Variants in C16orf95 observed in about 807,000 individuals in gnomAD.
The protein encoded by C16orf95 is uncharacterized protein C16orf95.
A neutral mutation model predicts 32.1 loss-of-function variants in C16orf95; 41 were observed. That is an observed-to-expected ratio of 1.28 (90% CI 1.00 to 1.66). The LOEUF is 1.66. Ranked by LOEUF, C16orf95 falls within the 40% of genes most tolerant of loss-of-function variation. The pLI is 0.00. For missense variants in C16orf95, 399 were observed against 325.9 expected, an observed-to-expected ratio of 1.22 and a Z score of -1.73; for synonymous variants, 147 against 128.9, an observed-to-expected ratio of 1.14 and a Z score of -0.95.
intron 3 of C16orf95, among the ~76,000 whole-genome samples, chr16:87,314,237 T>C (rs533522423): frequency 2.0e-5 from 3 of 152,192 alleles, no homozygotes; most frequent in Admixed American, 1.3e-4. Context: ...CAGCTTTGTG[T>C]GTAACACATA....
At position 87,317,167 on chromosome 16, in the gene C16orf95, CG is replaced by C; in HGVS notation, c.75del (p.Ala26LeufsTer80). 3 of 1,531,282 alleles carry C rather than the reference CG, an allele frequency of 2.0e-6. No homozygotes were observed. Among genetic ancestry groups the C allele is most frequent in the Non-Finnish European group, 2.6e-6 (3 of 1,144,782 alleles). The allele number at this position is 1,531,282 out of a possible 1,614,324, so 94.9% of individuals were successfully genotyped here. On this transcript the variant is annotated frameshift_variant, in exon 1 of 7. Coordinates refer to ENST00000567970, the MANE Select transcript of C16orf95 (RefSeq NM_001195124.3). LOFTEE classifies it high-confidence loss of function. ...CCCGCGCCCGGCCCCCCGGCAGCAG[CG>C]CCTGAGGCTGCTCCAGTGGCCTCAT... ...HHHEATGAAS[G>X]AAAGGPGAGC... is the part of the protein sequence containing the mutation.
chr16:87,313,152 T>C (rs750618927), intron 3 of C16orf95, among the ~76,000 whole-genome samples: 4 of 151,544 alleles, frequency 2.6e-5, no homozygotes, highest in Non-Finnish European at 5.9e-5. Context: ...AGGGTACTTT[T>C]GTAGAAACTG....
intron 3 of C16orf95, among the ~76,000 whole-genome samples, chr16:87,311,593 G>A (rs996717048): frequency 6.6e-6 from 1 of 152,236 alleles, no homozygotes; most frequent in African/African-American, 2.4e-5. Context: ...GGTATTGGGA[G>A]ACCTGGCTCT....
chr16:87,312,625 C>G (rs1486611436), intron 3 of C16orf95, among the ~76,000 whole-genome samples: 1 of 151,518 alleles, frequency 6.6e-6, no homozygotes, highest in Non-Finnish European at 1.5e-5. Flanking sequence ...GAATGCCATC[C>G]CTCATAAGCA....
chr16:87,305,089 A>G lies in C16orf95; in HGVS notation c.701+630T>C, dbSNP rs1363542616. ...CAGAGGAGCCACCGCCTAGGCCGAG[A>G]GTAAAGGAGTAAGAGGAAGTAGCTG... On this transcript the variant is annotated intron_variant, in intron 6 of 6. Transcript: ENST00000567970. The surrounding 1 kb of genome is among the most constrained non-coding windows in gnomAD (Gnocchi z 4.2). Among the ~76,000 whole-genome samples the G allele has an allele frequency of 1.3e-5, 2 of 152,138 alleles. No homozygotes were observed. Among genetic ancestry groups the G allele is most frequent in the Non-Finnish European group, 2.9e-5 (2 of 68,030 alleles).
chr16:87,303,272 C>T (rs755484769), intron 6 of C16orf95, 197 bp from the exon 7 acceptor site: 7 of 581,858 alleles, frequency 1.2e-5, no homozygotes, highest in Admixed American at 2.9e-5. Context: ...GCTTTCCAGC[C>T]GCAGGACTGG....
intron 3 of C16orf95, 86 bp from the exon 4 acceptor site, chr16:87,311,382 G>C: frequency 7.3e-7 from 1 of 1,367,262 alleles, no homozygotes; most frequent in Non-Finnish European, 9.8e-7. Flanking sequence ...CCATCCCCCA[G>C]AAGATCCCCT....
In C16orf95 at chr16:87,305,236, G is replaced by A. The variant is rs981772977; in HGVS notation, c.701+483C>T. 2.0e-5 allele frequency among the ~76,000 whole-genome samples: 3 copies of A among 152,168 alleles called. No individual in the cohort carries two copies. Among genetic ancestry groups the A allele is most frequent in the Non-Finnish European group, 2.9e-5 (2 of 68,020 alleles). ...CAGGGGCGAAACTCGAAGCCTGGGC[G>A]AGGATAGGGACTAGAGACCAGGGGA... On this transcript the variant is annotated intron_variant, in intron 6 of 6. Coordinates refer to ENST00000567970, the MANE Select transcript of C16orf95 (RefSeq NM_001195124.3). The surrounding 1 kb of genome is among the most constrained non-coding windows in gnomAD (Gnocchi z 4.2).
At chr16:87,309,632 C>G (rs952502549) in intron 5 of C16orf95, among the ~76,000 whole-genome samples, 2 of 152,088 alleles carry the variant, frequency 1.3e-5, no homozygotes, top group African/African-American at 2.4e-5. Flanking sequence ...ATTCCAGCCT[C>G]TTCAGCTACC....
chr16:87,315,515 G>A (rs963207323), intron 2 of C16orf95, among the ~76,000 whole-genome samples: 2 of 152,332 alleles, frequency 1.3e-5, no homozygotes, highest in African/African-American at 4.8e-5. Flanking sequence ...AGGAAGGAGA[G>A]GTGCTGCCAT....
chr16:87,313,622 C>T (rs564143328), intron 3 of C16orf95, among the ~76,000 whole-genome samples: 52 of 152,042 alleles, frequency 3.4e-4, no homozygotes, highest in African/African-American at 1.2e-3. Flanking sequence ...GTGGTCCCAG[C>T]TACTTGGGGG....
intron 3 of C16orf95, among the ~76,000 whole-genome samples, chr16:87,312,003 C>T (rs1209361516): frequency 6.6e-6 from 1 of 152,224 alleles, no homozygotes; most frequent in Non-Finnish European, 1.5e-5. Context: ...ACCGTGAGTT[C>T]ACTACACTAC....
In C16orf95 at chr16:87,302,822, T is replaced by G. The variant is rs1229206891; in HGVS notation, c.*235A>C. 5 of 550,030 alleles carry G rather than the reference T, an allele frequency of 9.1e-6. No individual in the cohort carries two copies. The highest frequency in any genetic ancestry group is 5.7e-5 in the African/African-American group (3 of 52,598). 34.1% of individuals were successfully genotyped at this position (550,030 alleles called of 1,614,324 possible). On this transcript the variant is annotated 3_prime_UTR_variant, in exon 7 of 7. Coordinates refer to ENST00000567970, the MANE Select transcript of C16orf95 (RefSeq NM_001195124.3). ...ATTTAAGAGGTGGCCAGTTTAGAGT[T>G]TCACAAATAACATTTATTGACCACA...
chr16:87,310,972 C>A (rs962527614), intron 4 of C16orf95, among the ~76,000 whole-genome samples, 178 bp downstream of exon 4: 1 of 152,340 alleles, frequency 6.6e-6, no homozygotes, highest in Middle Eastern at 3.4e-3. Flanking sequence ...GCCACACCTG[C>A]CCTCTGTGCT....
Position 87,311,274 on chromosome 16 carries a change from G to A in C16orf95, c.353C>T (p.Pro118Leu). ...RKQSQKTVQF[P>L]IPQTAKMCPC... is the part of the protein sequence containing the mutation. ...GCACATCTTGGCGGTTTGGGGGATAGGAAATTGAACCGTCTTTTGACTCTA... is the reference window on the plus strand; with the variant it reads ...GCACATCTTGGCGGTTTGGGGGATAAGAAATTGAACCGTCTTTTGACTCTA... The change falls in exon 4 of 7, where the codon CCT becomes CTT. Residue 118 changes from proline (P) to leucine (L), a missense_variant. Pro to Leu is a moderately conservative substitution (Grantham distance 98). Coordinates refer to ENST00000567970, the MANE Select transcript of C16orf95 (RefSeq NM_001195124.3). 1.3e-6 allele frequency: 2 copies of A among 1,535,066 alleles called. No homozygotes were observed. Among genetic ancestry groups the A allele is most frequent in the Non-Finnish European group, 1.7e-6 (2 of 1,146,164 alleles).
chr16:87,312,885 C>A (rs1046774543), intron 3 of C16orf95, among the ~76,000 whole-genome samples: 3 of 151,962 alleles, frequency 2.0e-5, no homozygotes, highest in African/African-American at 7.3e-5. Flanking sequence ...ACTTCTAATA[C>A]CAGCAATGAA....
At chr16:87,315,865 A>G (rs769371060) in intron 1 of C16orf95, 42 bp from the exon 2 acceptor site, 1 of 1,468,452 alleles carries the variant, frequency 6.8e-7, no homozygotes, top group Non-Finnish European at 9.1e-7. Context: ...TGTGTAAACT[A>G]GGGGGCAGGG....
At chr16:87,308,987 T>A (rs74464119) in intron 5 of C16orf95, among the ~76,000 whole-genome samples, 20,099 of 152,254 alleles carry the variant, frequency 0.13, 1,672 homozygotes, top group South Asian at 0.3. Flanking sequence ...TCTCACAAAC[T>A]GATGTGGATG....
At chr16:87,312,337 G>C (rs905824164) in intron 3 of C16orf95, among the ~76,000 whole-genome samples, 12 of 152,206 alleles carry the variant, frequency 7.9e-5, no homozygotes, top group African/African-American at 2.9e-4. Flanking sequence ...GGGAGGCCAA[G>C]GCAGGTGGAT....
Sources: gnomAD v4.1 joint callset for allele counts (sites outside exome capture counted in the v4.1 genomes callset) on GRCh38, gnomAD v4.1.1 for gene constraint, Gnocchi (gnomAD v3.1) non-coding constraint, MANE v1.5 for transcripts, NCBI Gene and HGNC (gene_info 2026-07-23, HGNC 2026-07-21) for gene names.